Variants in CMTR1 observed in about 807,000 individuals in gnomAD.
CMTR1 encodes cap methyltransferase 1.
In CMTR1, 39 loss-of-function variants were observed where a neutral mutation model predicts 107.0. The ratio of observed to expected loss-of-function variants is 0.36; its 90% confidence interval spans 0.28 to 0.48. The LOEUF (loss-of-function observed/expected upper bound fraction) is 0.48. Among genes scored for constraint, CMTR1 ranks in the 20% least tolerant of loss-of-function variants. The pLI is 0.99. For synonymous variants in CMTR1, 366 were observed against 379.5 expected (o/e 0.96, Z 0.41); for missense variants, 672 against 1,064.9 (o/e 0.63, Z 5.14).
At chr6:37,455,865 C>T (rs1346246278) in intron 8 of CMTR1, among the ~76,000 whole-genome samples, 2 of 152,166 alleles carry the variant, frequency 1.3e-5, no homozygotes, top group Admixed American at 1.3e-4. Flanking sequence ...CCTACAACGG[C>T]CTGGAGAAAT....
Position 37,480,630 on chromosome 6 carries a change from T to C in CMTR1, c.*485T>C, listed in dbSNP as rs1761834254. ...ATGAGCTGGCCAGGAGAACCTGCTA[T>C]AAAAAAATCAAGGTTTTGTTTCTTT... On this transcript the variant is annotated 3_prime_UTR_variant, in exon 24 of 24. Transcript: ENST00000373451. 2 of 1,025,546 alleles carry C rather than the reference T, an allele frequency of 2.0e-6. No individual in the cohort carries two copies. The highest frequency in any genetic ancestry group is 3.5e-5 in the African/African-American group (2 of 57,578). The allele number at this position is 1,025,546 out of a possible 1,614,324, so 63.5% of individuals were successfully genotyped here.
intron 13 of CMTR1, among the ~76,000 whole-genome samples, chr6:37,469,226 G>A (rs983889828): frequency 1.3e-5 from 2 of 151,958 alleles, no homozygotes; most frequent in African/African-American, 4.8e-5. Context: ...TGAGGTTGAT[G>A]TTTTTTCTCT....
upstream of CMTR1, among the ~76,000 whole-genome samples, chr6:37,432,388 C>G (rs2077281750): frequency 6.6e-6 from 1 of 152,048 alleles, no homozygotes; most frequent in African/African-American, 2.4e-5. Flanking sequence ...TTGTGAAGAA[C>G]GCATTAGAGG....
At chr6:37,429,952 A>T (rs1052778582), upstream of CMTR1, among the ~76,000 whole-genome samples, 52 of 152,230 alleles carry the variant, frequency 3.4e-4, no homozygotes, top group African/African-American at 8.2e-4. Flanking sequence ...AATAATAAAA[A>T]AAAAAAAAGA....
At chr6:37,455,594 TTGTC>T (rs753013971) in intron 8 of CMTR1, among the ~76,000 whole-genome samples, 4 of 152,160 alleles carry the variant, frequency 2.6e-5, no homozygotes, top group Admixed American at 2.6e-4. Flanking sequence ...CAAGAATACA[TTGTC>T]TGTGAAGCAT....
Position 37,455,270 on chromosome 6 carries a change from A to G in CMTR1, c.777+1958A>G, listed in dbSNP as rs564890084. 7.9e-5 allele frequency among the ~76,000 whole-genome samples: 12 copies of G among 152,216 alleles called. No individual in the cohort carries two copies. In the East Asian group the frequency reaches 2.3e-3, roughly 29 times the overall value. On this transcript the variant is annotated intron_variant, in intron 8 of 23. Transcript: ENST00000373451. ...GGCTAATTTTGTATTTTTAGTGGAG[A>G]CGGGGTTTCTCCACGTCAGGCTGGT...
In CMTR1 at chr6:37,462,950, C is replaced by T. The variant is rs971125079; in HGVS notation, c.1447C>T (p.Leu483=). Residue 483 remains leucine, a synonymous_variant, in exon 13 of 24, where the codon CTG becomes TTG. Coordinates refer to ENST00000373451, the MANE Select transcript of CMTR1 (RefSeq NM_015050.3). ...TTCCGACGTCAACTTGGTGGTCCCC[C>T]TGGAGGTGATCAAGGGAGACCATGA... is the stretch of plus-strand genomic sequence containing the variant. The part of the protein sequence containing the change: ...TDSDVNLVVP[L]EVIKGDHEFT... 6.2e-7 allele frequency: 1 copy of T among 1,614,006 alleles called. No homozygotes were observed. Among genetic ancestry groups the T allele is most frequent in the Non-Finnish European group, 8.5e-7 (1 of 1,180,006 alleles).
At chr6:37,432,309 G>C (rs1771401264), upstream of CMTR1, among the ~76,000 whole-genome samples, 1 of 152,208 alleles carries the variant, frequency 6.6e-6, no homozygotes, top group African/African-American at 2.4e-5. Flanking sequence ...GACAGGATCA[G>C]GTTTAATTAA....
chr6:37,458,962 C>A lies in CMTR1; in HGVS notation c.976+152C>A. ...GTTCATGTCAGAATCTTGGTTCCCTCTGGACTATCCCTTTTTACCCTGGGC... is the reference window on the plus strand; with the variant it reads ...GTTCATGTCAGAATCTTGGTTCCCTATGGACTATCCCTTTTTACCCTGGGC... On this transcript the variant is annotated intron_variant, in intron 9 of 23. Coordinates refer to ENST00000373451, the MANE Select transcript of CMTR1 (RefSeq NM_015050.3). This position sits in a 1 kb window ranked among gnomAD's most constrained non-coding sequence, Gnocchi z 4.7. The A allele has an allele frequency of 1.4e-6, 1 of 705,294 alleles. No individual in the cohort carries two copies. The highest frequency in any genetic ancestry group is 2.3e-6 in the Non-Finnish European group (1 of 430,928). The allele number at this position is 705,294 out of a possible 1,614,324, so 43.7% of individuals were successfully genotyped here. A position where few individuals can be genotyped will look rare whatever the true frequency, so the allele number is the denominator to read the frequency against.
In CMTR1 at chr6:37,444,024, T is replaced by G; in HGVS notation, c.159T>G (p.Ser53=). The change falls in exon 3 of 24, where the codon TCT becomes TCG. Residue 53 remains serine (S), a synonymous_variant. Transcript: ENST00000373451. ...CATCTACTACAAGCCTTAGTGGGTC[T>G]GATAGTGAGACCGAGGGGAAACAAC... The part of the protein sequence containing the change: ...AKASTTSLSG[S]DSETEGKQHS... 6.2e-7 allele frequency: 1 copy of G among 1,614,210 alleles called. No individual in the cohort carries two copies. The highest frequency in any genetic ancestry group is 8.5e-7 in the Non-Finnish European group (1 of 1,180,040).
chr6:37,481,172 A>C lies in CMTR1; in HGVS notation c.*1027A>C. ...TTAAGTGGTCACTCCCATTTCCTTT[A>C]TCTTGGCCGACAACACAGAGAGGAG... On this transcript the variant is annotated 3_prime_UTR_variant, in exon 24 of 24. Coordinates refer to ENST00000373451, the MANE Select transcript of CMTR1 (RefSeq NM_015050.3). The C allele has an allele frequency of 7.7e-7, 1 of 1,300,260 alleles. No individual in the cohort carries two copies. The highest frequency in any genetic ancestry group is 1.2e-5 in the South Asian group (1 of 80,868). The allele number at this position is 1,300,260 out of a possible 1,614,324, so 80.5% of individuals were successfully genotyped here.
chr6:37,471,709 C>A, intron 14 of CMTR1, 138 bp from the exon 15 acceptor site: 2 of 656,032 alleles, frequency 3.0e-6, no homozygotes, highest in South Asian at 2.1e-5. Context: ...CACGCTGGGC[C>A]AGTGGCAGCA....
intron 15 of CMTR1, 22 bp downstream of exon 15, chr6:37,471,926 T>C (rs1015165620): frequency 4.3e-6 from 7 of 1,609,522 alleles, no homozygotes; most frequent in Non-Finnish European, 5.9e-6. Context: ...CCCCGCCCAT[T>C]GCTGCTTCAG....
chr6:37,474,398 A>G, intron 17 of CMTR1, 126 bp from the exon 18 acceptor site: 1 of 1,113,196 alleles, frequency 9.0e-7, no homozygotes. Flanking sequence ...TCTCATAGAC[A>G]TTTTCTTCTG....
At chr6:37,444,268 C>A in intron 3 of CMTR1, 118 bp downstream of exon 3, 1 of 1,274,564 alleles carries the variant, frequency 7.8e-7, no homozygotes, top group Non-Finnish European at 1.1e-6. Context: ...TGCTTTTCAG[C>A]TACTGAAATT....
chr6:37,426,682 C>T, the CMTR1 span, among the ~76,000 whole-genome samples: 1,041 of 152,216 alleles, frequency 6.8e-3, 11 homozygotes, highest in African/African-American at 0.024. Flanking sequence ...TACAAGCATG[C>T]ACCACCACAC....
intron 8 of CMTR1, among the ~76,000 whole-genome samples, chr6:37,457,217 CAAA>C (rs775870961): frequency 2.4e-5 from 2 of 83,660 alleles, no homozygotes; most frequent in Non-Finnish European, 2.6e-5. Flanking sequence ...ACCTCGTTGC[CAAA>C]AAAAAAAAAA....
chr6:37,460,878 C>G (rs1408594852), intron 10 of CMTR1, among the ~76,000 whole-genome samples: 1 of 152,152 alleles, frequency 6.6e-6, no homozygotes, highest in Non-Finnish European at 1.5e-5. Flanking sequence ...GCCTCCTTTA[C>G]TTTTATGTAA....
the CMTR1 span, among the ~76,000 whole-genome samples, chr6:37,425,044 G>T: frequency 1.3e-5 from 2 of 148,718 alleles, no homozygotes; most frequent in Admixed American, 1.4e-4. Flanking sequence ...TGCCTCCCAG[G>T]TTCAAGCAAT....
Sources: allele counts gnomAD v4.1 joint callset (sites outside exome capture counted in the v4.1 genomes callset), GRCh38; gene constraint gnomAD v4.1.1; non-coding constraint Gnocchi (gnomAD v3.1); transcripts MANE v1.5; gene names NCBI Gene and HGNC (gene_info 2026-07-23, HGNC 2026-07-21).